Variants in SNX7 observed in about 807,000 individuals in gnomAD.
SNX7 encodes the protein sorting nexin-7.
SNX7 carries 35 observed loss-of-function variants against 48.4 expected under a neutral mutation model. That is an observed-to-expected ratio of 0.72 (90% confidence interval 0.55 to 0.96). The LOEUF is 0.96. Ranked by LOEUF, SNX7 falls within the 40% of genes least tolerant of loss-of-function variation. SNX7 has a pLI of 0.00. For synonymous variants in SNX7, 190 were observed against 190.2 expected, an observed-to-expected ratio of 1.00 and a Z score of 0.01; for missense variants, 553 against 548.9, an observed-to-expected ratio of 1.01 and a Z score of -0.07.
chr1:98,747,727 C>T (rs1654374217), intron 8 of SNX7, among the ~76,000 whole-genome samples: 1 of 152,044 alleles, frequency 6.6e-6, no homozygotes, highest in African/African-American at 2.4e-5. Flanking sequence ...AAAACACAGT[C>T]AATGGTAGAA....
chr1:98,662,124 C>T, intron 1 of SNX7: 3 of 400,690 alleles, frequency 7.5e-6, no homozygotes, highest in Non-Finnish European at 1.3e-5. Context: ...CGCAGCCGCT[C>T]CCTCCTCCGC....
chr1:98,663,253 G>GTTTTTT (rs61588201), intron 1 of SNX7, among the ~76,000 whole-genome samples: 1 of 41,508 alleles, frequency 2.4e-5, no homozygotes, highest in Non-Finnish European at 5.5e-5. Context: ...TTTCTTTCTG[G>GTTTTTT]TTTTTTTTTT....
chr1:98,713,176 T>C (rs1377004993), intron 7 of SNX7, among the ~76,000 whole-genome samples: 2 of 152,078 alleles, frequency 1.3e-5, no homozygotes, highest in African/African-American at 4.8e-5. Context: ...CATAGTTAGA[T>C]CTTCTGGATA....
In SNX7 at chr1:98,674,621, A is replaced by C. The variant is rs1021601459; in HGVS notation, c.181-10264A>C. On this transcript the variant is annotated intron_variant, in intron 1 of 8. Transcript: ENST00000306121. ...CTGGGGATTTGGGCTTCAGCATATA[A>C]ATTTGGGTGAGGGAACAATTCAACC... Among the ~76,000 whole-genome samples, 8 of 152,314 alleles carry C rather than the reference A, an allele frequency of 5.3e-5. No homozygotes were observed. In the East Asian group the frequency reaches 1.5e-3, roughly 29 times the overall value.
intron 7 of SNX7, among the ~76,000 whole-genome samples, chr1:98,725,006 G>A (rs763104726): frequency 5.9e-5 from 9 of 152,016 alleles, no homozygotes; most frequent in Non-Finnish European, 8.8e-5. Flanking sequence ...ATTTTAATAT[G>A]GTGTACGGTT....
chr1:98,662,120 C>T (rs1342722841), intron 1 of SNX7: 1 of 408,694 alleles, frequency 2.4e-6, no homozygotes, highest in Non-Finnish European at 4.2e-6. Flanking sequence ...AAACCGCAGC[C>T]GCTCCCTCCT....
intron 7 of SNX7, among the ~76,000 whole-genome samples, chr1:98,737,477 G>A (rs117709078): frequency 3.3e-5 from 5 of 152,028 alleles, no homozygotes; most frequent in Non-Finnish European, 5.9e-5. Flanking sequence ...GGTCTTAGAC[G>A]AATGCCTGCT....
chr1:98,679,857 C>T (rs963026554), intron 1 of SNX7, among the ~76,000 whole-genome samples: 9 of 152,180 alleles, frequency 5.9e-5, no homozygotes, highest in South Asian at 2.1e-4. Flanking sequence ...GCTGGCATTG[C>T]GTGTCTGTCT....
intron 6 of SNX7, 146 bp from the exon 7 acceptor site, chr1:98,701,671 A>C (rs901230016): frequency 1.0e-4 from 52 of 505,498 alleles, no homozygotes; most frequent in East Asian, 4.3e-4. Flanking sequence ...AAAAAAAAAA[A>C]ACAACTTTTT....
At chr1:98,675,746 A>G (rs1023672126) in intron 1 of SNX7, among the ~76,000 whole-genome samples, 3 of 152,186 alleles carry the variant, frequency 2.0e-5, no homozygotes, top group African/African-American at 7.2e-5. Context: ...ATTTTTGTAC[A>G]TGCTGATTAC....
Position 98,738,227 on chromosome 1 carries a change from C to T in SNX7, c.1126-10C>T, listed in dbSNP as rs1360799871. On this transcript the variant is annotated splice_polypyrimidine_tract_variant and intron_variant, in intron 7 of 8. Transcript: ENST00000306121. Reference sequence around the variant, plus strand: ...TAGATCAATGTATCTCTCTTTGTGACTTAATTCAGCTTCCAGAGGAGATTG... The same window carrying T: ...TAGATCAATGTATCTCTCTTTGTGATTTAATTCAGCTTCCAGAGGAGATTG... 1.9e-6 allele frequency: 3 copies of T among 1,610,518 alleles called. No homozygotes were observed. In the African/African-American group the frequency reaches 4.0e-5, roughly 22 times the overall value.
At chr1:98,677,990 C>CATAT (rs1553197439) in intron 1 of SNX7, among the ~76,000 whole-genome samples, 1 of 141,780 alleles carries the variant, frequency 7.1e-6, no homozygotes, top group Non-Finnish European at 1.6e-5. Flanking sequence ...TGTGTGTGTG[C>CATAT]GTGTGTGTGT....
At chr1:98,756,427 T>G (rs1442308694) in intron 8 of SNX7, among the ~76,000 whole-genome samples, 3 of 143,694 alleles carry the variant, frequency 2.1e-5, no homozygotes, top group African/African-American at 7.6e-5. Flanking sequence ...GATGAGTTTT[T>G]TTTTTTTTTT....
intron 2 of SNX7, among the ~76,000 whole-genome samples, chr1:98,688,548 C>T (rs1342727766): frequency 6.6e-6 from 1 of 152,126 alleles, no homozygotes; most frequent in African/African-American, 2.4e-5. Context: ...ATTGGCTGAA[C>T]TGACTATTAA....
chr1:98,706,544 G>A (rs1346932963), intron 7 of SNX7, among the ~76,000 whole-genome samples: 1 of 152,152 alleles, frequency 6.6e-6, no homozygotes, highest in East Asian at 1.9e-4. Flanking sequence ...TAGTTGAACA[G>A]AGGAGTAACA....
At chr1:98,663,245 T>A in intron 1 of SNX7, among the ~76,000 whole-genome samples, 1 of 123,984 alleles carries the variant, frequency 8.1e-6, no homozygotes, top group Non-Finnish European at 1.7e-5. Context: ...CATCAGGGTT[T>A]CTTTCTGGTT....
At chr1:98,689,780 A>G (rs1651012967) in intron 2 of SNX7, among the ~76,000 whole-genome samples, 1 of 152,208 alleles carries the variant, frequency 6.6e-6, no homozygotes, top group African/African-American at 2.4e-5. Context: ...TTGCATATGG[A>G]CATACACTGA....
intron 8 of SNX7, among the ~76,000 whole-genome samples, chr1:98,748,457 G>A (rs1313220923): frequency 1.3e-5 from 2 of 152,014 alleles, no homozygotes; most frequent in African/African-American, 2.4e-5. Context: ...GGCTACATAA[G>A]TTTTTATGTA....
intron 8 of SNX7, among the ~76,000 whole-genome samples, chr1:98,743,795 C>G (rs1206568937): frequency 1.3e-5 from 2 of 152,104 alleles, no homozygotes; most frequent in East Asian, 3.9e-4. Flanking sequence ...AAACTTAATA[C>G]TACACTACAT....
Sources: gnomAD v4.1 joint callset for allele counts (sites outside exome capture counted in the v4.1 genomes callset) on GRCh38, gnomAD v4.1.1 for gene constraint, MANE v1.5 for transcripts, NCBI Gene and HGNC (gene_info 2026-07-23, HGNC 2026-07-21) for gene names.